Variants in EXTL1 observed in about 807,000 individuals in gnomAD.
EXTL1 encodes the protein exostosin-like 1.
EXTL1 carries 43 observed loss-of-function variants against 64.6 expected under a neutral mutation model. The observed-to-expected ratio is 0.67, with a 90% CI of 0.52 to 0.86. The LOEUF is 0.86. Among genes scored for constraint, EXTL1 ranks in the 40% least tolerant of loss-of-function variants. EXTL1 has a pLI of 0.00. For missense variants in EXTL1, 766 were observed against 879.0 expected (o/e 0.87, Z 1.62); for synonymous variants, 352 against 360.5 (o/e 0.98, Z 0.27).
At chr1:26,028,522 A>G (rs1391746496) in intron 1 of EXTL1, among the ~76,000 whole-genome samples, 2 of 152,126 alleles carry the variant, frequency 1.3e-5, no homozygotes, top group African/African-American at 4.8e-5. Flanking sequence ...CCCTGGGTGG[A>G]CAATTGCCAG....
At chr1:26,023,956 A>G (rs774360696) in intron 1 of EXTL1, among the ~76,000 whole-genome samples, 1 of 152,106 alleles carries the variant, frequency 6.6e-6, no homozygotes, top group African/African-American at 2.4e-5. Context: ...TTTATGATCA[A>G]CCTCATCAAA....
chr1:26,029,699 C>T lies in EXTL1; in HGVS notation c.973C>T (p.Pro325Ser), dbSNP rs201352578. ...KAAIVADERL[P>S]LQVLAALQEM... is the part of the protein sequence containing the mutation. Reference sequence around the variant, plus strand: ...AGCCATCGTAGCTGATGAGAGGCTCCCACTTCAGGTAGCTCAGAGCCCTGC... The same window carrying T: ...AGCCATCGTAGCTGATGAGAGGCTCTCACTTCAGGTAGCTCAGAGCCCTGC... Residue 325 changes from proline to serine, a missense_variant, in exon 3 of 11, where the codon CCA becomes TCA. This residue lies in a region of EXTL1 where 571 missense variants were observed against 647.6 expected (regional missense o/e 0.88). Coordinates refer to ENST00000374280, the MANE Select transcript of EXTL1 (RefSeq NM_004455.3). The T allele has an allele frequency of 6.2e-7, 1 of 1,607,936 alleles. No individual in the cohort carries two copies. Among genetic ancestry groups the T allele is most frequent in the Non-Finnish European group, 8.5e-7 (1 of 1,175,990 alleles).
chr1:26,033,623 C>A lies in EXTL1; in HGVS notation c.1519-73C>A. 2 of 1,526,418 alleles carry A rather than the reference C, an allele frequency of 1.3e-6. No homozygotes were observed. The highest frequency in any genetic ancestry group is 1.2e-5 in the South Asian group (1 of 81,936). 94.6% of individuals were successfully genotyped at this position (1,526,418 alleles called of 1,614,324 possible). A position where few individuals can be genotyped will look rare whatever the true frequency, so the allele number is the denominator to read the frequency against. On this transcript the variant is annotated intron_variant, in intron 8 of 10. Transcript: ENST00000374280. This position sits in a 1 kb window ranked among gnomAD's most constrained non-coding sequence, Gnocchi z 5.1. ...CCCGGGCCCCTCAGCCAGGCTGCCC[C>A]TGCCTCCATTTCCCTGGATGTTCTA...
chr1:26,029,774 G>T, intron 3 of EXTL1, 67 bp downstream of exon 3: 1 of 1,052,858 alleles, frequency 9.5e-7, no homozygotes, highest in South Asian at 1.3e-5. Context: ...TAGAATCCTG[G>T]ATCGAGGCTG....
intron 6 of EXTL1, among the ~76,000 whole-genome samples, chr1:26,031,869 AAAGT>A (rs750159812): frequency 6.6e-6 from 1 of 152,232 alleles, no homozygotes; most frequent in Non-Finnish European, 1.5e-5. Flanking sequence ...GAGCAGATAA[AAAGT>A]AAGGAAGGAT....
rs1340963153 is a variant in EXTL1 at position 26,031,498 on chromosome 1, G to T, written c.1273G>T (p.Val425Leu). 1.9e-6 allele frequency: 3 copies of T among 1,598,940 alleles called. No individual in the cohort carries two copies. Among genetic ancestry groups the T allele is most frequent in the Non-Finnish European group, 2.6e-6 (3 of 1,173,010 alleles). The change falls in exon 6 of 11, where the codon GTG becomes TTG. Residue 425 changes from valine to leucine, a missense_variant. Coordinates refer to ENST00000374280, the MANE Select transcript of EXTL1 (RefSeq NM_004455.3). ...GGGCAGATTCAGCGCCCTGATCTGG[G>T]TGGGGCCCCCAGGCCAGCCCCCTCT... ...PEGRFSALIWVGPPGQPPLKL... is the reference protein window; with the variant it reads ...PEGRFSALIWLGPPGQPPLKL...
chr1:26,032,549 T>G, intron 7 of EXTL1, 64 bp downstream of exon 7: 3 of 1,297,860 alleles, frequency 2.3e-6, no homozygotes, highest in Non-Finnish European at 3.2e-6. Context: ...AGGGCACCCA[T>G]GGGGTGTTTT....
rs2050332326 is a variant in EXTL1 at position 26,035,610 on chromosome 1, C to T, written c.*263C>T. On this transcript the variant is annotated 3_prime_UTR_variant, in exon 11 of 11. Transcript: ENST00000374280. The surrounding 1 kb of genome is among the most constrained non-coding windows in gnomAD (Gnocchi z 5.3). ...CGCTTCTCCACCCAGCTAACTTCTG[C>T]TCGTCTTTCAGAGCATTGTCTCCTC... 4.8e-6 allele frequency: 2 copies of T among 420,474 alleles called. No homozygotes were observed. The highest frequency in any genetic ancestry group is 5.8e-5 in the South Asian group (1 of 17,226). The allele number at this position is 420,474 out of a possible 1,614,324, so 26.0% of individuals were successfully genotyped here.
intron 1 of EXTL1, among the ~76,000 whole-genome samples, chr1:26,027,466 G>A (rs1442349545): frequency 6.6e-6 from 1 of 152,128 alleles, no homozygotes; most frequent in African/African-American, 2.4e-5. Flanking sequence ...CATTACTACT[G>A]CAGTCCACTG....
chr1:26,026,777 T>G (rs1015023580), intron 1 of EXTL1, among the ~76,000 whole-genome samples: 10 of 152,220 alleles, frequency 6.6e-5, no homozygotes, highest in Admixed American at 6.5e-4. Flanking sequence ...ACAGCCACGC[T>G]GACCACCCTT....
chr1:26,029,307 TC>T (rs1407327655), intron 2 of EXTL1, 21 bp downstream of exon 2: 1 of 1,587,544 alleles, frequency 6.3e-7, no homozygotes, highest in Non-Finnish European at 8.6e-7. Context: ...AATTTGAGCA[TC>T]ACCCATCCTC....
Position 26,033,904 on chromosome 1 carries a change from G to T in EXTL1, c.1679+48G>T, listed in dbSNP as rs755227262. 6.4e-7 allele frequency: 1 copy of T among 1,551,328 alleles called. No homozygotes were observed. Among genetic ancestry groups the T allele is most frequent in the East Asian group, 2.3e-5 (1 of 43,202 alleles). ...GGGATCAGAGTATCAGAGGACCAGA[G>T]ACCCCACCCCCACCCCGAACGGAGC... On this transcript the variant is annotated intron_variant, in intron 9 of 10. Coordinates refer to ENST00000374280, the MANE Select transcript of EXTL1 (RefSeq NM_004455.3). The surrounding 1 kb of genome is among the most constrained non-coding windows in gnomAD (Gnocchi z 5.1).
In EXTL1 at chr1:26,030,603, G is replaced by A; in HGVS notation, c.1101+8G>A. 6.2e-7 allele frequency: 1 copy of A among 1,602,682 alleles called. No individual in the cohort carries two copies. Reference sequence around the variant, plus strand: ...ATCCATACCACTCTGGAGGTGAGGGGTCTCACCTGATGGGGGTCCTGGCTC... The same window carrying A: ...ATCCATACCACTCTGGAGGTGAGGGATCTCACCTGATGGGGGTCCTGGCTC... On this transcript the variant is annotated splice_region_variant and intron_variant, in intron 4 of 10. Coordinates refer to ENST00000374280, the MANE Select transcript of EXTL1 (RefSeq NM_004455.3).
chr1:26,035,061 A>G lies in EXTL1; in HGVS notation c.1848+57A>G, dbSNP rs962497989. The G allele has an allele frequency of 1.1e-4, 177 of 1,604,204 alleles. 2 individuals are homozygous for G. The highest frequency in any genetic ancestry group is 6.6e-4 in the Middle Eastern group (4 of 6,026). ...CAGGGATTGGGCGGGGATGCCGGAG[A>G]GGATTCCCTCTCACTGTCTAATTCC... is the stretch of plus-strand genomic sequence containing the variant. On this transcript the variant is annotated intron_variant, in intron 10 of 10. Transcript: ENST00000374280. This position sits in a 1 kb window ranked among gnomAD's most constrained non-coding sequence, Gnocchi z 5.3.
Position 26,031,529 on chromosome 1 carries a change from T to C in EXTL1, c.1304T>C (p.Leu435Pro), listed in dbSNP as rs201922650. 18 of 1,601,916 alleles carry C rather than the reference T, an allele frequency of 1.1e-5. No homozygotes were observed. The African/African-American group carries it at 2.3e-4, about 20-fold the overall frequency. ...CCCCCAGGCCAGCCCCCTCTGAAGC[T>C]CATCCAGGCGGTGGCAGGCTCCCAG... is the stretch of plus-strand genomic sequence containing the variant. ...VGPPGQPPLK[L>P]IQAVAGSQHC... Residue 435 changes from leucine (L) to proline (P), a missense_variant, in exon 6 of 11, where the codon CTC becomes CCC. Physicochemically the swap from Leu to Pro is moderately conservative, Grantham distance 98. Coordinates refer to ENST00000374280, the MANE Select transcript of EXTL1 (RefSeq NM_004455.3).
rs60657422 is a variant in EXTL1 at position 26,026,242 on chromosome 1, C to CAAA, written c.779+2831_779+2833dup. ...CAGCAGAGTGAGAGAGACTCTGTTT[C>CAAA]AAAAAAAAAAAAAAAAGGCAGAATT... On this transcript the variant is annotated intron_variant, in intron 1 of 10. Transcript: ENST00000374280. 2.5e-3 allele frequency among the ~76,000 whole-genome samples: 214 copies of CAAA among 84,484 alleles called. 1 individual carries two copies. Among genetic ancestry groups the CAAA allele is most frequent in the African/African-American group, 8.3e-3 (202 of 24,206 alleles). 55.4% of individuals were successfully genotyped at this position (84,484 alleles called of 152,430 possible).
intron 4 of EXTL1, 89 bp downstream of exon 4, chr1:26,030,684 G>A (rs985213114): frequency 1.4e-6 from 2 of 1,425,218 alleles, no homozygotes; most frequent in African/African-American, 1.5e-5. Flanking sequence ...CAGTGTTTGG[G>A]GAACCCCCCC....
rs1348156998 is a variant in EXTL1, at chr1:26,035,208, C to T, written c.1892C>T (p.Ala631Val). 1.2e-6 allele frequency: 2 copies of T among 1,612,768 alleles called. No homozygotes were observed. Among genetic ancestry groups the T allele is most frequent in the Non-Finnish European group, 1.7e-6 (2 of 1,179,392 alleles). The change falls in exon 11 of 11, where the codon GCC becomes GTC. Residue 631 changes from alanine to valine, a missense_variant. Physicochemically the swap from Ala to Val is moderately conservative, Grantham distance 64. Around this residue, in one of 3 missense-constraint regions of EXTL1, gnomAD observed 194 missense variants for 214.5 expected, o/e 0.90. Coordinates refer to ENST00000374280, the MANE Select transcript of EXTL1 (RefSeq NM_004455.3). The surrounding 1 kb of genome is among the most constrained non-coding windows in gnomAD (Gnocchi z 5.3). ...PGPRPKPPAP[A>V]PDCINQIAAA... ...CCCAGGCCAAAGCCGCCTGCCCCAG[C>T]CCCCGACTGCATCAACCAGATAGCG...
intron 1 of EXTL1, among the ~76,000 whole-genome samples, chr1:26,023,855 A>G (rs1056146080): frequency 6.6e-6 from 1 of 152,190 alleles, no homozygotes; most frequent in Admixed American, 6.5e-5. Context: ...AATTTTTCTC[A>G]GGCCACCCAG....
Sources: gnomAD v4.1 joint callset for allele counts (sites outside exome capture counted in the v4.1 genomes callset) on GRCh38, gnomAD v4.1.1 for gene constraint, gnomAD v4.1.1 regional missense constraint, Gnocchi (gnomAD v3.1) non-coding constraint, MANE v1.5 for transcripts, NCBI Gene and HGNC (gene_info 2026-07-23, HGNC 2026-07-21) for gene names.